The following LYPD6B variants were observed in gnomAD, a reference collection of about 807,000 sequenced individuals.
LYPD6B encodes the protein LY6/PLAUR domain containing 6B, also known as ly6/PLAUR domain-containing protein 6B.
Under a neutral mutation model 22.8 loss-of-function variants are expected in LYPD6B, and 17 were observed. The observed-to-expected ratio is 0.75, with a 90% CI of 0.51 to 1.12. The LOEUF is 1.12. Ranked by LOEUF, LYPD6B falls within the 50% of genes most tolerant of loss-of-function variation. LYPD6B has a pLI of 0.00. For synonymous variants in LYPD6B, 106 were observed against 91.6 expected, an observed-to-expected ratio of 1.16 and a Z score of -0.90; for missense variants, 221 against 258.3, an observed-to-expected ratio of 0.86 and a Z score of 0.99.
chr2:149,165,600 C>T (rs1264591492), intron 3 of LYPD6B, among the ~76,000 whole-genome samples: 4 of 152,102 alleles, frequency 2.6e-5, no homozygotes, highest in Admixed American at 1.3e-4. Flanking sequence ...CTTTAGATAT[C>T]ATAACTCATT....
chr2:149,102,521 G>T (rs1175824115), intron 1 of LYPD6B, among the ~76,000 whole-genome samples: 4 of 152,218 alleles, frequency 2.6e-5, no homozygotes, highest in Non-Finnish European at 5.9e-5. Flanking sequence ...TCAATTGGGG[G>T]ATTTTGAATT....
intron 1 of LYPD6B, among the ~76,000 whole-genome samples, chr2:149,120,714 A>T (rs1178897355): frequency 1.4e-5 from 2 of 148,114 alleles, no homozygotes; most frequent in Non-Finnish European, 3.0e-5. Flanking sequence ...TAAAATTCTG[A>T]TGCACGTCCA....
At chr2:149,149,442 CT>C (rs1184816025) in intron 2 of LYPD6B, among the ~76,000 whole-genome samples, 2 of 152,222 alleles carry the variant, frequency 1.3e-5, no homozygotes, top group African/African-American at 2.4e-5. Context: ...ACGCACACCC[CT>C]ATGTCCTGTC....
At chr2:149,103,360 T>C (rs1167791433) in intron 1 of LYPD6B, among the ~76,000 whole-genome samples, 1 of 152,194 alleles carries the variant, frequency 6.6e-6, no homozygotes, top group Non-Finnish European at 1.5e-5. Context: ...AACATTAAGC[T>C]TAACAATGTC....
chr2:149,142,810 C>A (rs1688772810), intron 2 of LYPD6B, among the ~76,000 whole-genome samples: 1 of 152,122 alleles, frequency 6.6e-6, no homozygotes, highest in South Asian at 2.1e-4. Context: ...GGTTTCCTGC[C>A]CTCTTGAACT....
chr2:149,187,489 A>G (rs919585451), intron 3 of LYPD6B: 35 of 1,514,338 alleles, frequency 2.3e-5, no homozygotes, highest in Non-Finnish European at 3.1e-5. Flanking sequence ...GAAATGCAGA[A>G]GAGATATTTT....
chr2:149,207,495 G>A lies in LYPD6B; in HGVS notation c.230-819G>A, dbSNP rs940806908. On this transcript the variant is annotated intron_variant, in intron 4 of 6. Transcript: ENST00000409642. ...TTATTTTATTTTTTTCTTCTTGTCC[G>A]CTAAAATTACAAGATACAAGGCCAA... Among the ~76,000 whole-genome samples, 10 of 150,578 alleles carry A rather than the reference G, an allele frequency of 6.6e-5. 1 individual carries two copies. Among genetic ancestry groups the A allele is most frequent in the Admixed American group, 2.0e-4 (3 of 15,126 alleles).
At chr2:149,109,814 C>T (rs1345395144) in intron 1 of LYPD6B, among the ~76,000 whole-genome samples, 2 of 152,038 alleles carry the variant, frequency 1.3e-5, no homozygotes, top group Non-Finnish European at 2.9e-5. Flanking sequence ...CAGGTTCAAG[C>T]GATTATCCTT....
intron 1 of LYPD6B, among the ~76,000 whole-genome samples, chr2:149,120,377 ATATATATTTT>A (rs1391167631): frequency 7.0e-5 from 3 of 43,146 alleles, no homozygotes; most frequent in Admixed American, 3.4e-4. Context: ...ATATATATAT[ATATATATTTT>A]TTTTTTTTTT....
intron 2 of LYPD6B, among the ~76,000 whole-genome samples, chr2:149,154,685 G>A (rs576496543): frequency 4.6e-5 from 7 of 151,618 alleles, no homozygotes; most frequent in African/African-American, 1.7e-4. Flanking sequence ...ATGGGGTGGG[G>A]TGGGGTGGTG....
chr2:149,172,912 A>G (rs975669393), intron 3 of LYPD6B, among the ~76,000 whole-genome samples: 5 of 152,028 alleles, frequency 3.3e-5, no homozygotes, highest in Admixed American at 6.6e-5. Context: ...TCTTCAAACT[A>G]TACCACCAGC....
At chr2:149,124,421 G>A (rs375565538) in intron 1 of LYPD6B, among the ~76,000 whole-genome samples, 10 of 152,182 alleles carry the variant, frequency 6.6e-5, no homozygotes, top group African/African-American at 2.4e-4. Flanking sequence ...AGTGATAAGT[G>A]CGTGGTCTGT....
At chr2:149,087,339 C>T (rs1054065060) in intron 1 of LYPD6B, among the ~76,000 whole-genome samples, 1 of 152,132 alleles carries the variant, frequency 6.6e-6, no homozygotes, top group African/African-American at 2.4e-5. Context: ...ACCTCATGCT[C>T]TCCTTTTCTT....
intron 3 of LYPD6B, chr2:149,187,600 G>T (rs1692207112): frequency 1.6e-6 from 2 of 1,288,422 alleles, no homozygotes; most frequent in South Asian, 3.9e-5. Context: ...CGTAAATATT[G>T]GTTGAGTAAC....
At chr2:149,152,058 T>C (rs181540131) in intron 2 of LYPD6B, among the ~76,000 whole-genome samples, 21 of 152,324 alleles carry the variant, frequency 1.4e-4, no homozygotes, top group Admixed American at 2.6e-4. Flanking sequence ...TTTTAAGTTC[T>C]ACCTCCTTCA....
At chr2:149,132,172 G>A (rs539223603) in intron 2 of LYPD6B, among the ~76,000 whole-genome samples, 1 of 151,670 alleles carries the variant, frequency 6.6e-6, no homozygotes, top group South Asian at 2.1e-4. Flanking sequence ...TTAAAGAAGA[G>A]CCGTGCCTAG....
At chr2:149,048,361 C>G (rs1240783106) in intron 1 of LYPD6B, among the ~76,000 whole-genome samples, 1 of 152,160 alleles carries the variant, frequency 6.6e-6, no homozygotes, top group East Asian at 1.9e-4. Flanking sequence ...CAGTGTACCC[C>G]CAGACTTCAA....
chr2:149,072,502 A>ATTTTATTTTT (rs1284934303), intron 1 of LYPD6B, among the ~76,000 whole-genome samples: 2 of 143,264 alleles, frequency 1.4e-5, no homozygotes. Context: ...ATTTTATTTT[A>ATTTTATTTTT]TTTTATTTTA....
At chr2:149,137,729 A>G (rs1688453462) in intron 2 of LYPD6B, among the ~76,000 whole-genome samples, 2 of 152,202 alleles carry the variant, frequency 1.3e-5, no homozygotes, top group South Asian at 4.1e-4. Flanking sequence ...TTTCATAAAC[A>G]ACACATCTGT....
Sources: gnomAD v4.1 joint callset for allele counts (sites outside exome capture counted in the v4.1 genomes callset) on GRCh38, gnomAD v4.1.1 for gene constraint, MANE v1.5 for transcripts, NCBI Gene and HGNC (gene_info 2026-07-23, HGNC 2026-07-21) for gene names.